The following LRRIQ4 variants were observed in gnomAD, a reference collection of about 807,000 sequenced individuals.
LRRIQ4 encodes the protein leucine rich repeats and IQ motif containing 4.
LRRIQ4 carries 21 observed loss-of-function variants against 40.1 expected under a neutral mutation model. The ratio of observed to expected loss-of-function variants is 0.52; its 90% confidence interval spans 0.37 to 0.75. LRRIQ4 has a LOEUF of 0.75. LRRIQ4 is among the 30% of genes least tolerant of loss of function. The probability of loss-of-function intolerance (pLI) is 0.00; values close to 1 mark genes in which losing one functional copy is unlikely to be tolerated. For synonymous variants in LRRIQ4, 277 were observed against 277.1 expected (o/e 1.00, Z 0.00); for missense variants, 655 against 660.0 (o/e 0.99, Z 0.08).
intron 1 of LRRIQ4, among the ~76,000 whole-genome samples, chr3:169,817,570 T>C (rs575065672): frequency 2.0e-5 from 3 of 152,242 alleles, no homozygotes; most frequent in South Asian, 2.1e-4. Flanking sequence ...TATTTCTTTC[T>C]TTATCTCTAG....
chr3:169,822,723 C>G lies in LRRIQ4; in HGVS notation c.802C>G (p.Arg268Gly). The change falls in exon 2 of 6, where the codon CGC becomes GGC. Residue 268 changes from arginine (R) to glycine (G), a missense_variant. By Grantham distance (125) the Arg-to-Gly change is moderately radical. Coordinates refer to ENST00000340806, the MANE Select transcript of LRRIQ4 (RefSeq NM_001080460.3). ...GACGGAAATCGGGCTGAGCGGGAAC[C>G]GCCTGGAGAAGGTGCCACGCCTCAT... ...KMTEIGLSGN[R>G]LEKVPRLICR... 2.5e-6 allele frequency: 4 copies of G among 1,613,888 alleles called. No homozygotes were observed. Among genetic ancestry groups the G allele is most frequent in the Non-Finnish European group, 3.4e-6 (4 of 1,179,856 alleles).
At chr3:169,831,118 T>G (rs1780161810) in intron 4 of LRRIQ4, among the ~76,000 whole-genome samples, 1 of 152,010 alleles carries the variant, frequency 6.6e-6, no homozygotes, top group Non-Finnish European at 1.5e-5. Flanking sequence ...CATTTTCCAC[T>G]ACACTAAGCC....
At chr3:169,830,900 T>C (rs761394926) in intron 4 of LRRIQ4, among the ~76,000 whole-genome samples, 1 of 152,288 alleles carries the variant, frequency 6.6e-6, no homozygotes, top group South Asian at 2.1e-4. Context: ...ACCCATACAT[T>C]TATTACACTA....
chr3:169,831,402 T>C (rs1242028140), intron 4 of LRRIQ4, among the ~76,000 whole-genome samples: 1 of 139,808 alleles, frequency 7.2e-6, no homozygotes, highest in African/African-American at 2.7e-5. Flanking sequence ...GCCTCCTGAG[T>C]AGCTGGAACT....
chr3:169,829,227 T>C (rs1780109164), intron 3 of LRRIQ4, among the ~76,000 whole-genome samples: 1 of 152,222 alleles, frequency 6.6e-6, no homozygotes, highest in Non-Finnish European at 1.5e-5. Flanking sequence ...TAATTTCCAC[T>C]TTTTATAAGT....
chr3:169,822,734 G>A lies in LRRIQ4; in HGVS notation c.813G>A (p.Lys271=). 1 of 1,613,908 alleles carries A rather than the reference G, an allele frequency of 6.2e-7. No individual in the cohort carries two copies. The highest frequency in any genetic ancestry group is 8.5e-7 in the Non-Finnish European group (1 of 1,179,840). ...EIGLSGNRLE[K]VPRLICRWTS... ...GGCTGAGCGGGAACCGCCTGGAGAAGGTGCCACGCCTCATTTGCAGGTGGA... is the reference window on the plus strand; with the variant it reads ...GGCTGAGCGGGAACCGCCTGGAGAAAGTGCCACGCCTCATTTGCAGGTGGA... Residue 271 remains lysine, a synonymous_variant, in exon 2 of 6, where the codon AAG becomes AAA. Transcript: ENST00000340806.
At position 169,817,733 on chromosome 3, in the gene LRRIQ4, A is replaced by T. The variant is rs1423194268; in HGVS notation, c.-31-4158A>T. Among the ~76,000 whole-genome samples the T allele has an allele frequency of 5.9e-5, 9 of 151,992 alleles. No homozygotes were observed. The East Asian group carries it at 1.5e-3, about 26-fold the overall frequency. ...TTTGTCTCGAAATCTATTTTGTCTG[A>T]TATATGTATAGCTACTCCTGCTCTT... is the stretch of plus-strand genomic sequence containing the variant. On this transcript the variant is annotated intron_variant, in intron 1 of 5. Coordinates refer to ENST00000340806, the MANE Select transcript of LRRIQ4 (RefSeq NM_001080460.3).
intron 1 of LRRIQ4, among the ~76,000 whole-genome samples, chr3:169,815,754 G>A (rs973446726): frequency 1.3e-5 from 2 of 152,134 alleles, no homozygotes; most frequent in African/African-American, 4.8e-5. Flanking sequence ...TTCCTATTCA[G>A]TATGATACTA....
intron 2 of LRRIQ4, among the ~76,000 whole-genome samples, chr3:169,827,095 A>C (rs1448259984): frequency 6.6e-6 from 1 of 152,174 alleles, no homozygotes; most frequent in Non-Finnish European, 1.5e-5. Flanking sequence ...AGCTCTAGCC[A>C]GAATGAAAGT....
At chr3:169,820,358 G>A (rs1261534976) in intron 1 of LRRIQ4, among the ~76,000 whole-genome samples, 1 of 150,600 alleles carries the variant, frequency 6.6e-6, no homozygotes, top group Non-Finnish European at 1.5e-5. Context: ...TATAAGCCTA[G>A]TAGTGTAAGT....
chr3:169,826,417 AG>A (rs1780042575), intron 2 of LRRIQ4, among the ~76,000 whole-genome samples: 1 of 151,970 alleles, frequency 6.6e-6, no homozygotes, highest in Non-Finnish European at 1.5e-5. Flanking sequence ...AAAAAGAAAA[AG>A]GAAAAAACCA....
At chr3:169,835,172 A>G (rs1004423001) in intron 5 of LRRIQ4, among the ~76,000 whole-genome samples, 3 of 152,160 alleles carry the variant, frequency 2.0e-5, no homozygotes, top group Non-Finnish European at 4.4e-5. Context: ...ACAATGATTC[A>G]TGCATCTCTG....
At chr3:169,831,440 ATTTTTTTTTTTTTTTTTTTTTTT>A (rs750864248) in intron 4 of LRRIQ4, among the ~76,000 whole-genome samples, 6 of 29,396 alleles carry the variant, frequency 2.0e-4, no homozygotes, top group Non-Finnish European at 3.8e-4. Context: ...CGCCCGGCTA[ATTTTTTTTTTTTTTTTTTTTTTT>A]TTTTTTTTTT....
At chr3:169,828,467 C>G (rs1780089460) in intron 2 of LRRIQ4, among the ~76,000 whole-genome samples, 1 of 152,228 alleles carries the variant, frequency 6.6e-6, no homozygotes, top group Non-Finnish European at 1.5e-5. Context: ...CTCCTGACCT[C>G]AGGTGATCCA....
At chr3:169,825,008 C>CTTT (rs10575036) in intron 2 of LRRIQ4, among the ~76,000 whole-genome samples, 1 of 133,968 alleles carries the variant, frequency 7.5e-6, no homozygotes, top group Non-Finnish European at 1.6e-5. Flanking sequence ...TTTTAAAAAT[C>CTTT]TTTTTTTTTT....
chr3:169,820,271 G>GTGTGTT (rs1779854241), intron 1 of LRRIQ4, among the ~76,000 whole-genome samples: 1 of 151,698 alleles, frequency 6.6e-6, no homozygotes, highest in Non-Finnish European at 1.5e-5. Flanking sequence ...GTGTGTGTGT[G>GTGTGTT]TGTGTGTGTG....
Position 169,831,261 on chromosome 3 carries a change from C to CTTTTTT in LRRIQ4, c.1333+656_1333+661dup, listed in dbSNP as rs869088396. On this transcript the variant is annotated intron_variant, in intron 4 of 5. Coordinates refer to ENST00000340806, the MANE Select transcript of LRRIQ4 (RefSeq NM_001080460.3). ...CACATGTTTTCAAACTATGGCTATT[C>CTTTTTT]TTTTTTTTTTTTTTTTTTTTTTTTT... Among the ~76,000 whole-genome samples, 19 of 33,464 alleles carry CTTTTTT rather than the reference C, an allele frequency of 5.7e-4. 4 individuals carry two copies. Among genetic ancestry groups the CTTTTTT allele is most frequent in the Non-Finnish European group, 8.1e-4 (13 of 16,054 alleles). The allele number at this position is 33,464 out of a possible 152,430, so 22.0% of individuals were successfully genotyped here. A position where few individuals can be genotyped will look rare whatever the true frequency, so the allele number is the denominator to read the frequency against.
chr3:169,818,948 C>T (rs1419946104), intron 1 of LRRIQ4, among the ~76,000 whole-genome samples: 1 of 152,184 alleles, frequency 6.6e-6, no homozygotes, highest in Non-Finnish European at 1.5e-5. Context: ...AGCATCAACA[C>T]TCACTGTAAA....
At position 169,830,646 on chromosome 3, in the gene LRRIQ4, A is replaced by G; in HGVS notation, c.1333+16A>G. ...CAAGCACAAGGTGAGGAAACTTAGT[A>G]GATTCACAGCCTAGCAGAGTTTGTG... On this transcript the variant is annotated intron_variant, in intron 4 of 5. Transcript: ENST00000340806. 1 of 1,613,876 alleles carries G rather than the reference A, an allele frequency of 6.2e-7. No homozygotes were observed. The highest frequency in any genetic ancestry group is 1.3e-5 in the African/African-American group (1 of 75,062).
Sources: allele counts gnomAD v4.1 joint callset (sites outside exome capture counted in the v4.1 genomes callset), GRCh38; gene constraint gnomAD v4.1.1; transcripts MANE v1.5; gene names NCBI Gene and HGNC (gene_info 2026-07-23, HGNC 2026-07-21).